The following ZMAT4 variants were observed in gnomAD, a reference collection of about 807,000 sequenced individuals.
ZMAT4 encodes the protein zinc finger matrin-type protein 4.
A neutral mutation model predicts 28.7 loss-of-function variants in ZMAT4; 17 were observed. That is an observed-to-expected ratio of 0.59 (90% CI 0.41 to 0.89). The LOEUF (loss-of-function observed/expected upper bound fraction) is 0.89, where lower values mean the gene tolerates loss of function less well. ZMAT4 is among the 40% of genes least tolerant of loss of function. The pLI is 0.00. For synonymous variants in ZMAT4, 117 were observed against 109.2 expected (o/e 1.07, Z -0.44); for missense variants, 240 against 283.8 (o/e 0.85, Z 1.11).
intron 5 of ZMAT4, among the ~76,000 whole-genome samples, chr8:40,666,005 C>A (rs1808399198): frequency 6.6e-6 from 1 of 152,050 alleles, no homozygotes; most frequent in African/African-American, 2.4e-5. Context: ...GTTTCCTCTG[C>A]AACAATAAAA....
At chr8:40,888,568 C>A (rs1195607334) in intron 1 of ZMAT4, 1 of 152,288 alleles carries the variant, frequency 6.6e-6, no homozygotes, top group Non-Finnish European at 1.5e-5. Flanking sequence ...GAGCCGTCAC[C>A]TGCACTGCTT....
chr8:40,753,408 G>A (rs1812539395), intron 3 of ZMAT4, among the ~76,000 whole-genome samples: 1 of 152,166 alleles, frequency 6.6e-6, no homozygotes, highest in African/African-American at 2.4e-5. Flanking sequence ...TCCAGACACA[G>A]CTCAAGCATC....
At chr8:40,535,009 T>A (rs887933429) in intron 6 of ZMAT4, among the ~76,000 whole-genome samples, 3 of 152,120 alleles carry the variant, frequency 2.0e-5, no homozygotes, top group Non-Finnish European at 4.4e-5. Context: ...CTAAAACTAA[T>A]GTAACTGAGT....
At chr8:40,542,905 A>G (rs1803086798) in intron 6 of ZMAT4, among the ~76,000 whole-genome samples, 2 of 152,190 alleles carry the variant, frequency 1.3e-5, no homozygotes, top group East Asian at 1.9e-4. Flanking sequence ...GGACCAGGCC[A>G]TTCCCTAAGT....
intron 1 of ZMAT4, among the ~76,000 whole-genome samples, chr8:40,853,105 G>C (rs1351765396): frequency 6.6e-6 from 1 of 152,040 alleles, no homozygotes; most frequent in African/African-American, 2.4e-5. Context: ...CATGAAAATG[G>C]CTCTAGGTCA....
chr8:40,699,854 A>T (rs1810057935), intron 3 of ZMAT4, among the ~76,000 whole-genome samples: 1 of 152,334 alleles, frequency 6.6e-6, no homozygotes, highest in Admixed American at 6.5e-5. Flanking sequence ...TCTCTTTAGA[A>T]TCTATGCATC....
At chr8:40,762,869 T>G (rs1477486302) in intron 3 of ZMAT4, among the ~76,000 whole-genome samples, 1 of 152,172 alleles carries the variant, frequency 6.6e-6, no homozygotes, top group Non-Finnish European at 1.5e-5. Context: ...CCACCCAGTT[T>G]GTGGCAATTT....
At chr8:40,830,009 G>T (rs1161087571) in intron 1 of ZMAT4, among the ~76,000 whole-genome samples, 1 of 152,102 alleles carries the variant, frequency 6.6e-6, no homozygotes, top group African/African-American at 2.4e-5. Flanking sequence ...TGGGGGAGAA[G>T]AGCCAGGTCC....
At chr8:40,740,991 C>T (rs980567216) in intron 3 of ZMAT4, among the ~76,000 whole-genome samples, 5 of 83,500 alleles carry the variant, frequency 6.0e-5, no homozygotes, top group South Asian at 4.1e-4. Context: ...TTGATAAATG[C>T]GCACACACAC....
chr8:40,615,491 A>C (rs971221088), intron 5 of ZMAT4, among the ~76,000 whole-genome samples: 9 of 152,202 alleles, frequency 5.9e-5, no homozygotes, highest in African/African-American at 2.2e-4. Context: ...ATGTTAGGGA[A>C]GTTCTCCTGG....
chr8:40,799,923 T>C (rs1814765752), intron 2 of ZMAT4, among the ~76,000 whole-genome samples: 1 of 151,418 alleles, frequency 6.6e-6, no homozygotes, highest in South Asian at 2.1e-4. Flanking sequence ...ATAAAAAGAG[T>C]AAAAAATAAG....
chr8:40,877,850 A>G (rs1385811040), intron 1 of ZMAT4, among the ~76,000 whole-genome samples: 1 of 152,204 alleles, frequency 6.6e-6, no homozygotes, highest in African/African-American at 2.4e-5. Flanking sequence ...AGAGCTGGCC[A>G]CGGTCATGTC....
chr8:40,621,551 G>C (rs1049224313), intron 5 of ZMAT4, among the ~76,000 whole-genome samples: 3 of 152,178 alleles, frequency 2.0e-5, no homozygotes, highest in Non-Finnish European at 2.9e-5. Context: ...AGCAGGCAAG[G>C]CTGGGAATTT....
At chr8:40,837,779 A>T (rs1816549327) in intron 1 of ZMAT4, among the ~76,000 whole-genome samples, 1 of 152,216 alleles carries the variant, frequency 6.6e-6, no homozygotes, top group Non-Finnish European at 1.5e-5. Flanking sequence ...GGGAAAGCAG[A>T]GTATCATCGC....
At chr8:40,814,458 G>A (rs921481872) in intron 2 of ZMAT4, among the ~76,000 whole-genome samples, 5 of 152,156 alleles carry the variant, frequency 3.3e-5, no homozygotes, top group Non-Finnish European at 5.9e-5. Flanking sequence ...ATTACAGGTC[G>A]AGATCTGAAA....
At chr8:40,838,906 T>A (rs1005601959) in intron 1 of ZMAT4, among the ~76,000 whole-genome samples, 6 of 152,060 alleles carry the variant, frequency 3.9e-5, no homozygotes, top group African/African-American at 9.7e-5. Flanking sequence ...GAGATAAGAA[T>A]GAAAACATCA....
At chr8:40,653,588 C>T (rs2589888) in intron 5 of ZMAT4, among the ~76,000 whole-genome samples, 83,730 of 151,900 alleles carry the variant, frequency 0.55, 24,033 homozygotes, top group East Asian at 0.69. Flanking sequence ...AATGATCTTA[C>T]TAATGATCTT....
intron 3 of ZMAT4, among the ~76,000 whole-genome samples, chr8:40,738,289 G>A (rs1018004869): frequency 6.6e-6 from 1 of 152,144 alleles, no homozygotes; most frequent in African/African-American, 2.4e-5. Flanking sequence ...AAATGACTCT[G>A]CTTTGTTTGG....
chr8:40,723,948 T>C (rs571706468), intron 3 of ZMAT4, among the ~76,000 whole-genome samples: 2 of 152,292 alleles, frequency 1.3e-5, no homozygotes, highest in African/African-American at 4.8e-5. Flanking sequence ...TGAGTCCCTA[T>C]GTGCAAAATT....
Sources: gnomAD v4.1 joint callset for allele counts (sites outside exome capture counted in the v4.1 genomes callset) on GRCh38, gnomAD v4.1.1 for gene constraint, MANE v1.5 for transcripts, NCBI Gene and HGNC (gene_info 2026-07-23, HGNC 2026-07-21) for gene names.